Variants in HS2ST1 observed in about 807,000 individuals in gnomAD.
HS2ST1 encodes 2-O-sulfotransferase.
Under a neutral mutation model 42.9 loss-of-function variants are expected in HS2ST1, and 18 were observed. That is an observed-to-expected ratio of 0.42 (90% CI 0.29 to 0.62). The LOEUF is 0.62. HS2ST1 is among the 20% of genes least tolerant of loss of function. HS2ST1 has a pLI of 0.21. For missense variants in HS2ST1, 334 were observed against 433.8 expected, an observed-to-expected ratio of 0.77 and a Z score of 2.04; for synonymous variants, 146 against 152.9, an observed-to-expected ratio of 0.95 and a Z score of 0.33.
chr1:86,991,116 A>C (rs946017558), intron 1 of HS2ST1, among the ~76,000 whole-genome samples: 1 of 151,624 alleles, frequency 6.6e-6, no homozygotes, highest in Admixed American at 6.6e-5. Context: ...TTGTTGTGAG[A>C]GAGGAATGGA....
At chr1:87,081,242 G>C (rs568897806) in intron 2 of HS2ST1, among the ~76,000 whole-genome samples, 1 of 152,114 alleles carries the variant, frequency 6.6e-6, no homozygotes, top group Non-Finnish European at 1.5e-5. Flanking sequence ...ATTTCATGCA[G>C]TGACTGCAGA....
intron 1 of HS2ST1, among the ~76,000 whole-genome samples, chr1:87,068,490 A>G (rs1651311797): frequency 6.6e-6 from 1 of 152,196 alleles, no homozygotes. Flanking sequence ...ATATACAATC[A>G]TGTCATCTGC....
At chr1:86,930,406 A>T (rs890952651) in intron 1 of HS2ST1, among the ~76,000 whole-genome samples, 2 of 151,940 alleles carry the variant, frequency 1.3e-5, no homozygotes, top group South Asian at 4.1e-4. Context: ...GAAAGACAGA[A>T]TGGAGAAACA....
intron 1 of HS2ST1, among the ~76,000 whole-genome samples, chr1:86,942,383 A>G (rs569910621): frequency 1.1e-4 from 16 of 152,334 alleles, no homozygotes; most frequent in African/African-American, 1.9e-4. Context: ...GTTAGTTAAC[A>G]GTGCAGTTAA....
chr1:87,045,778 C>T, intron 1 of HS2ST1: 1 of 910,816 alleles, frequency 1.1e-6, no homozygotes, highest in South Asian at 1.3e-5. Flanking sequence ...AGGTTTGTAG[C>T]AGAGGTAACA....
chr1:86,986,125 T>G (rs1648778822), intron 1 of HS2ST1, among the ~76,000 whole-genome samples: 1 of 151,782 alleles, frequency 6.6e-6, no homozygotes, highest in South Asian at 2.1e-4. Flanking sequence ...CTGTATTTGC[T>G]AAGTATTATT....
At chr1:86,977,753 T>G (rs1277018838) in intron 1 of HS2ST1, among the ~76,000 whole-genome samples, 1 of 152,234 alleles carries the variant, frequency 6.6e-6, no homozygotes, top group Non-Finnish European at 1.5e-5. Context: ...CTTTTATGGC[T>G]AACTACTTGA....
At chr1:87,066,059 A>G (rs1270004014) in intron 1 of HS2ST1, among the ~76,000 whole-genome samples, 1 of 152,190 alleles carries the variant, frequency 6.6e-6, no homozygotes, top group Non-Finnish European at 1.5e-5. Context: ...CTGCAGTCTG[A>G]TACAGAATAC....
intron 1 of HS2ST1, among the ~76,000 whole-genome samples, chr1:87,014,902 C>T (rs546370041): frequency 6.6e-6 from 1 of 152,320 alleles, no homozygotes; most frequent in Non-Finnish European, 1.5e-5. Flanking sequence ...TATAAATACA[C>T]ACATTGTTTA....
chr1:86,918,917 G>C (rs761805698), intron 1 of HS2ST1, among the ~76,000 whole-genome samples: 33 of 147,928 alleles, frequency 2.2e-4, no homozygotes, highest in Non-Finnish European at 2.9e-4. Flanking sequence ...TTAAATATTA[G>C]AATTAGTAAT....
At chr1:86,938,201 C>T (rs568779668) in intron 1 of HS2ST1, among the ~76,000 whole-genome samples, 2 of 152,124 alleles carry the variant, frequency 1.3e-5, no homozygotes, top group African/African-American at 4.8e-5. Flanking sequence ...TTAGAGACAT[C>T]TCTTTTTCCC....
chr1:86,940,817 G>A (rs932997823), intron 1 of HS2ST1, among the ~76,000 whole-genome samples: 3 of 152,016 alleles, frequency 2.0e-5, no homozygotes, highest in African/African-American at 7.2e-5. Flanking sequence ...AACATAGCAA[G>A]ACCCCATCTC....
rs943605446 is a variant in HS2ST1 at position 87,086,222 on chromosome 1, G to A, written c.449+1943G>A. 3.3e-5 allele frequency among the ~76,000 whole-genome samples: 5 copies of A among 152,030 alleles called. No homozygotes were observed. The East Asian group carries it at 5.8e-4, about 18-fold the overall frequency. On this transcript the variant is annotated intron_variant, in intron 3 of 6. Transcript: ENST00000370550. The stretch of plus-strand genomic sequence containing the variant: ...GGGTATGTCCAGGGTATTGGTTCTC[G>A]GACTGCCTGAGTATATAAAAATCGC...
chr1:86,926,919 C>A (rs1660434012), intron 1 of HS2ST1, among the ~76,000 whole-genome samples: 1 of 152,170 alleles, frequency 6.6e-6, no homozygotes, highest in African/African-American at 2.4e-5. Flanking sequence ...TTAGTTAATT[C>A]TTTGAAGTGT....
chr1:87,021,430 T>C (rs1649947791), intron 1 of HS2ST1, among the ~76,000 whole-genome samples: 1 of 152,218 alleles, frequency 6.6e-6, no homozygotes, highest in Non-Finnish European at 1.5e-5. Context: ...CTACTCAGCT[T>C]GCTTGTCAAA....
intron 1 of HS2ST1, among the ~76,000 whole-genome samples, chr1:87,063,152 G>A (rs887795155): frequency 1.3e-5 from 2 of 152,020 alleles, no homozygotes; most frequent in Non-Finnish European, 2.9e-5. Flanking sequence ...TAGATCTTTT[G>A]TTCTAGACCA....
chr1:87,024,442 C>T (rs988819949), intron 1 of HS2ST1, among the ~76,000 whole-genome samples: 7 of 150,392 alleles, frequency 4.7e-5, no homozygotes, highest in African/African-American at 1.5e-4. Flanking sequence ...TGGAGGCTTC[C>T]GTGAGCCGAG....
chr1:87,095,866 C>T (rs1652047591), intron 4 of HS2ST1, among the ~76,000 whole-genome samples: 1 of 151,492 alleles, frequency 6.6e-6, no homozygotes, highest in Non-Finnish European at 1.5e-5. Flanking sequence ...TTTTAATGCA[C>T]ATAACTATTT....
intron 1 of HS2ST1, among the ~76,000 whole-genome samples, chr1:86,993,956 C>T (rs975476411): frequency 2.1e-4 from 32 of 151,980 alleles, no homozygotes; most frequent in Non-Finnish European, 1.9e-4. Context: ...AGAAAGGCAG[C>T]GAGAAGGGGT....
Sources: allele counts gnomAD v4.1 joint callset (sites outside exome capture counted in the v4.1 genomes callset), GRCh38; gene constraint gnomAD v4.1.1; transcripts MANE v1.5; gene names NCBI Gene and HGNC (gene_info 2026-07-23, HGNC 2026-07-21).